TSHZ1: variants seen among roughly 807,000 people sequenced by gnomAD.
TSHZ1 encodes the protein teashirt homolog 1.
A neutral mutation model predicts 67.1 loss-of-function variants in TSHZ1; 12 were observed. That is an observed-to-expected ratio of 0.18 (90% confidence interval 0.11 to 0.29). TSHZ1 has a LOEUF of 0.29. Ranked by LOEUF, TSHZ1 falls within the 10% of genes least tolerant of loss-of-function variation. The pLI is 1.00. For missense variants in TSHZ1, 1,305 were observed against 1,413.9 expected, an observed-to-expected ratio of 0.92 and a Z score of 1.23; for synonymous variants, 632 against 622.4, an observed-to-expected ratio of 1.02 and a Z score of -0.23.
chr18:75,222,722 C>G (rs1479201707), intron 1 of TSHZ1, among the ~76,000 whole-genome samples: 1 of 152,138 alleles, frequency 6.6e-6, no homozygotes, highest in African/African-American at 2.4e-5. Context: ...AAAGACTGCC[C>G]CCTCCACCCC....
intron 1 of TSHZ1, among the ~76,000 whole-genome samples, chr18:75,235,836 C>T (rs2023060552): frequency 1.3e-5 from 2 of 152,202 alleles, no homozygotes; most frequent in African/African-American, 4.8e-5. Flanking sequence ...AGCGACCTGC[C>T]TCTTGCCTCT....
intron 1 of TSHZ1, among the ~76,000 whole-genome samples, chr18:75,212,786 C>G (rs183298534): frequency 1.8e-4 from 28 of 152,328 alleles, no homozygotes; most frequent in Admixed American, 1.1e-3. Context: ...AGCTCACCTA[C>G]TAATCCATTG....
intron 1 of TSHZ1, among the ~76,000 whole-genome samples, chr18:75,260,964 C>T (rs544885782): frequency 3.9e-5 from 6 of 152,142 alleles, no homozygotes; most frequent in South Asian, 2.1e-4. Context: ...CCATGGGACG[C>T]GCGTCCCTTT....
Position 75,287,355 on chromosome 18 carries a change from G to A in TSHZ1, c.1948G>A (p.Val650Ile), listed in dbSNP as rs2122624831. The stretch of plus-strand genomic sequence containing the variant: ...GCTGGTGGAGAAGGTCACGGGCAAG[G>A]TCAACATCAAGAAGGAGGAGAGACC... ...EELVEKVTGKVNIKKEERPPE... is the reference protein window; with the variant it reads ...EELVEKVTGKINIKKEERPPE... The change falls in exon 2 of 2, where the codon GTC (valine) becomes ATC (isoleucine). Residue 650 changes from valine to isoleucine, a missense_variant. By Grantham distance (29) the Val-to-Ile change is conservative. Transcript: ENST00000580243. The surrounding 1 kb of genome is among the most constrained non-coding windows in gnomAD (Gnocchi z 5.0). 1.2e-6 allele frequency: 2 copies of A among 1,614,130 alleles called. No homozygotes were observed. The highest frequency in any genetic ancestry group is 2.2e-5 in the East Asian group (1 of 44,860).
chr18:75,227,109 T>C (rs1419345449), intron 1 of TSHZ1, among the ~76,000 whole-genome samples: 1 of 152,098 alleles, frequency 6.6e-6, no homozygotes, highest in Non-Finnish European at 1.5e-5. Context: ...GCTTTAAGGA[T>C]TCAAGCCCTG....
chr18:75,286,612 C>T lies in TSHZ1; in HGVS notation c.1205C>T (p.Ala402Val), dbSNP rs1170965980. ...PNNRYGYQNG[A>V]SYTWQFEARK... ...AACCGCTATGGCTACCAGAATGGCG[C>T]CAGCTACACCTGGCAGTTTGAGGCC... The change falls in exon 2 of 2, where the codon GCC (alanine) becomes GTC (valine). Residue 402 changes from alanine (A) to valine (V), a missense_variant. By Grantham distance (64) the Ala-to-Val change is moderately conservative. Around this residue, in one of 3 missense-constraint regions of TSHZ1, gnomAD observed 909 missense variants for 961.8 expected, o/e 0.95. Coordinates refer to ENST00000580243, the MANE Select transcript of TSHZ1 (RefSeq NM_001308210.2). The surrounding 1 kb of genome is among the most constrained non-coding windows in gnomAD (Gnocchi z 5.1). 8 of 1,614,218 alleles carry T rather than the reference C, an allele frequency of 5.0e-6. No individual in the cohort carries two copies. Among genetic ancestry groups the T allele is most frequent in the Non-Finnish European group, 5.9e-6 (7 of 1,180,040 alleles).
At chr18:75,251,171 C>T (rs1391686315) in intron 1 of TSHZ1, among the ~76,000 whole-genome samples, 1 of 152,080 alleles carries the variant, frequency 6.6e-6, no homozygotes, top group Non-Finnish European at 1.5e-5. Flanking sequence ...AAATTATGTG[C>T]AAGGAGCTTC....
chr18:75,240,225 C>T (rs1311780750), intron 1 of TSHZ1, among the ~76,000 whole-genome samples: 1 of 152,292 alleles, frequency 6.6e-6, no homozygotes, highest in South Asian at 2.1e-4. Flanking sequence ...GTTTTAAAGG[C>T]TGCCCTCTCT....
At chr18:75,226,807 T>C (rs2022932405) in intron 1 of TSHZ1, among the ~76,000 whole-genome samples, 1 of 152,104 alleles carries the variant, frequency 6.6e-6, no homozygotes, top group Non-Finnish European at 1.5e-5. Flanking sequence ...GAGAGTTCAT[T>C]TTGCAGTCCC....
At chr18:75,219,297 G>T (rs1020170150) in intron 1 of TSHZ1, among the ~76,000 whole-genome samples, 5 of 152,168 alleles carry the variant, frequency 3.3e-5, no homozygotes, top group Non-Finnish European at 5.9e-5. Context: ...TATCAATAGG[G>T]TTGATAGAGG....
In TSHZ1 at chr18:75,281,524, T is replaced by G. The variant is rs1339211401; in HGVS notation, c.41-3924T>G. Among the ~76,000 whole-genome samples the G allele has an allele frequency of 6.6e-6, 1 of 151,496 alleles. No homozygotes were observed. Among genetic ancestry groups the G allele is most frequent in the African/African-American group, 2.4e-5 (1 of 41,146 alleles). ...CCAGGCCCTGAAAGCACCATGGGGG[T>G]GGCATGACAGGCGTCCTCCCTGATG... On this transcript the variant is annotated intron_variant, in intron 1 of 1. Coordinates refer to ENST00000580243, the MANE Select transcript of TSHZ1 (RefSeq NM_001308210.2). This position sits in a 1 kb window ranked among gnomAD's most constrained non-coding sequence, Gnocchi z 5.3.
intron 1 of TSHZ1, 107 bp downstream of exon 1, chr18:75,212,023 T>G: frequency 1.1e-6 from 1 of 886,502 alleles, no homozygotes; most frequent in Non-Finnish European, 1.4e-6. Context: ...CGCCCCAAGC[T>G]GGGGAGGGGA....
intron 1 of TSHZ1, among the ~76,000 whole-genome samples, chr18:75,216,993 G>A (rs10460107): frequency 0.17 from 26,330 of 152,258 alleles, 2,592 homozygotes; most frequent in East Asian, 0.27. Context: ...GCCTGATCAT[G>A]TATAGTAAAT....
rs373873766 is a variant in TSHZ1, at chr18:75,285,900, G to T, written c.493G>T (p.Val165Phe). 2.4e-6 allele frequency: 1 copy of T among 416,812 alleles called. No homozygotes were observed. Among genetic ancestry groups the T allele is most frequent in the Non-Finnish European group, 3.2e-6 (1 of 308,396 alleles). 25.8% of individuals were successfully genotyped at this position (416,812 alleles called of 1,614,324 possible). A position where few individuals can be genotyped will look rare whatever the true frequency, so the allele number is the denominator to read the frequency against. ...APTPTPPTCP[V>F]STTGPTTSTP... ...CACCCCCACACCCCCCACCTGCCCC[G>T]TCAGCACCACTGGCCCCACCACGAG... The change falls in exon 2 of 2, where the codon GTC becomes TTC. Residue 165 changes from valine to phenylalanine, a missense_variant. Val to Phe is a conservative substitution (Grantham distance 50). Around this residue, in one of 3 missense-constraint regions of TSHZ1, gnomAD observed 358 missense variants for 375.6 expected, o/e 0.95. Transcript: ENST00000580243.
In TSHZ1 at chr18:75,281,772, G is replaced by T. The variant is rs1568368168; in HGVS notation, c.41-3676G>T. ...ACATGCTGCTCATGGGTGCAACCGG[G>T]TGGGGAGTGAGAAGTTGCCTCCAGA... On this transcript the variant is annotated intron_variant, in intron 1 of 1. Transcript: ENST00000580243. The surrounding 1 kb of genome is among the most constrained non-coding windows in gnomAD (Gnocchi z 5.3). 6.6e-6 allele frequency among the ~76,000 whole-genome samples: 1 copy of T among 152,146 alleles called. No individual in the cohort carries two copies. Among genetic ancestry groups the T allele is most frequent in the South Asian group, 2.1e-4 (1 of 4,832 alleles).
chr18:75,233,897 G>C (rs1310699326), intron 1 of TSHZ1, among the ~76,000 whole-genome samples: 1 of 152,154 alleles, frequency 6.6e-6, no homozygotes, highest in Non-Finnish European at 1.5e-5. Context: ...TTATGCAGTG[G>C]TTTGGGAGGA....
At chr18:75,273,981 C>T (rs932863350) in intron 1 of TSHZ1, among the ~76,000 whole-genome samples, 1 of 152,184 alleles carries the variant, frequency 6.6e-6, no homozygotes. Flanking sequence ...ACACCCACAC[C>T]CACCCACACA....
rs780871140 is a variant in TSHZ1 at position 75,288,655 on chromosome 18, A to T, written c.*14A>T. 2 of 1,567,408 alleles carry T rather than the reference A, an allele frequency of 1.3e-6. No homozygotes were observed. The highest frequency in any genetic ancestry group is 3.7e-5 in the Admixed American group (2 of 53,350). The stretch of plus-strand genomic sequence containing the variant: ...GAGAAACAGTAGCGTCCAGGTATGC[A>T]AGAGACCGCGGAACATTGCACTAAA... On this transcript the variant is annotated 3_prime_UTR_variant, in exon 2 of 2. Coordinates refer to ENST00000580243, the MANE Select transcript of TSHZ1 (RefSeq NM_001308210.2). This position sits in a 1 kb window ranked among gnomAD's most constrained non-coding sequence, Gnocchi z 4.9.
Position 75,285,672 on chromosome 18 carries a change from A to C in TSHZ1, c.265A>C (p.Lys89Gln), listed in dbSNP as rs749606436. The C allele has an allele frequency of 5.0e-6, 8 of 1,613,936 alleles. No homozygotes were observed. In the South Asian group the frequency reaches 8.8e-5, roughly 18 times the overall value. The change falls in exon 2 of 2, where the codon AAA (lysine) becomes CAA (glutamine). Residue 89 changes from lysine to glutamine, a missense_variant. This residue lies in a region of TSHZ1 where 358 missense variants were observed against 375.6 expected (regional missense o/e 0.95). Transcript: ENST00000580243. The stretch of plus-strand genomic sequence containing the variant: ...GAGCAGCGACCAGCTAGCCCATTTC[A>C]AAGGCTCTTCCTCTCGAGAAGAGAA... ...SESSDQLAHF[K>Q]GSSSREEKED...
Sources: gnomAD v4.1 joint callset for allele counts (sites outside exome capture counted in the v4.1 genomes callset) on GRCh38, gnomAD v4.1.1 for gene constraint, gnomAD v4.1.1 regional missense constraint, Gnocchi (gnomAD v3.1) non-coding constraint, MANE v1.5 for transcripts, NCBI Gene and HGNC (gene_info 2026-07-23, HGNC 2026-07-21) for gene names.